Variants in MITF observed in about 807,000 individuals in gnomAD.
MITF encodes the protein melanocyte inducing transcription factor, also known as microphthalmia-associated transcription factor.
In MITF, 17 loss-of-function variants were observed where a neutral mutation model predicts 60.5. The ratio of observed to expected loss-of-function variants is 0.28; its 90% CI spans 0.19 to 0.42. The LOEUF (loss-of-function observed/expected upper bound fraction) is 0.42, where lower values mean the gene tolerates loss of function less well. MITF is among the 10% of genes least tolerant of loss of function. The pLI is 1.00. For missense variants in MITF, 622 were observed against 683.5 expected, an observed-to-expected ratio of 0.91 and a Z score of 1.00; for synonymous variants, 260 against 248.5, an observed-to-expected ratio of 1.05 and a Z score of -0.43.
chr3:69,746,321 G>A (rs1285500600), intron 1 of MITF, among the ~76,000 whole-genome samples: 1 of 152,144 alleles, frequency 6.6e-6, no homozygotes, highest in African/African-American at 2.4e-5. Flanking sequence ...CAGATCACAT[G>A]TGCTTACTGT....
chr3:69,891,947 T>C (rs2064769258), intron 2 of MITF, among the ~76,000 whole-genome samples: 1 of 152,310 alleles, frequency 6.6e-6, no homozygotes, highest in East Asian at 1.9e-4. Context: ...AGGAGGTGAA[T>C]TGAGGATAAG....
At chr3:69,939,329 T>A (rs1370829216) in intron 4 of MITF, 148 bp downstream of exon 4, 1 of 714,594 alleles carries the variant, frequency 1.4e-6, no homozygotes, top group Non-Finnish European at 2.4e-6. Context: ...ATTGCCATTT[T>A]CCTCATAGTA....
At chr3:69,855,783 C>T (rs751801538) in intron 1 of MITF, among the ~76,000 whole-genome samples, 21 of 152,156 alleles carry the variant, frequency 1.4e-4, no homozygotes, top group Non-Finnish European at 2.8e-4. Context: ...GTGACCTTCA[C>T]AGCATTAGAG....
At chr3:69,833,785 G>A (rs1334086823) in intron 1 of MITF, among the ~76,000 whole-genome samples, 1 of 152,176 alleles carries the variant, frequency 6.6e-6, no homozygotes, top group East Asian at 1.9e-4. Context: ...GTATGTGGTT[G>A]CTTCCCTGTT....
chr3:69,929,391 G>C (rs1018871380), intron 2 of MITF, among the ~76,000 whole-genome samples: 2 of 152,094 alleles, frequency 1.3e-5, no homozygotes, highest in African/African-American at 2.4e-5. Context: ...TCCTGGGGTG[G>C]GGTGGAGTGG....
At chr3:69,750,864 T>C (rs1703912020) in intron 1 of MITF, among the ~76,000 whole-genome samples, 1 of 152,078 alleles carries the variant, frequency 6.6e-6, no homozygotes, top group Non-Finnish European at 1.5e-5. Flanking sequence ...ATATAAATAA[T>C]ATATAAGCTT....
chr3:69,936,818 A>G, intron 2 of MITF: 8 of 1,495,006 alleles, frequency 5.4e-6, no homozygotes, highest in Non-Finnish European at 7.4e-6. Flanking sequence ...GATTTAATCC[A>G]CTTTTTGTTA....
intron 1 of MITF, among the ~76,000 whole-genome samples, chr3:69,744,264 G>A (rs1296410565): frequency 1.3e-5 from 2 of 152,182 alleles, no homozygotes; most frequent in Non-Finnish European, 2.9e-5. Context: ...ATTAAAAAAT[G>A]CCCTTTCTTT....
At chr3:69,798,115 C>T (rs1283825521) in intron 1 of MITF, among the ~76,000 whole-genome samples, 2 of 152,142 alleles carry the variant, frequency 1.3e-5, no homozygotes, top group East Asian at 3.9e-4. Context: ...TCTGGTTCTG[C>T]CTCAGTCTCC....
intron 2 of MITF, among the ~76,000 whole-genome samples, chr3:69,925,011 G>A (rs1028477547): frequency 1.3e-5 from 2 of 151,914 alleles, no homozygotes; most frequent in East Asian, 3.9e-4. Context: ...CTCCTTCTTG[G>A]TGGCTTTATA....
At chr3:69,869,595 C>A (rs890138328) in intron 1 of MITF, among the ~76,000 whole-genome samples, 3 of 152,126 alleles carry the variant, frequency 2.0e-5, no homozygotes, top group Non-Finnish European at 4.4e-5. Context: ...ATTCTCTTCC[C>A]CACCTCTAGT....
chr3:69,850,108 A>G lies in MITF; in HGVS notation c.105-29026A>G, dbSNP rs2063800002. Among the ~76,000 whole-genome samples the G allele has an allele frequency of 2.0e-5, 3 of 152,230 alleles. No homozygotes were observed. The South Asian group carries it at 6.2e-4, about 31-fold the overall frequency. ...AAAGATCAAGGTGTTTATTGTTTAT[A>G]GGATCCCCCACCCTCCCATAAGTAA... On this transcript the variant is annotated intron_variant, in intron 1 of 9. Coordinates refer to ENST00000352241, the MANE Select transcript of MITF (RefSeq NM_001354604.2).
intron 1 of MITF, among the ~76,000 whole-genome samples, chr3:69,833,545 G>T (rs2063488187): frequency 6.6e-6 from 1 of 151,152 alleles, no homozygotes; most frequent in South Asian, 2.1e-4. Context: ...GTATGTGATT[G>T]TTTTTCTATG....
chr3:69,934,628 G>T (rs2065792348), intron 2 of MITF, among the ~76,000 whole-genome samples: 1 of 152,180 alleles, frequency 6.6e-6, no homozygotes, highest in South Asian at 2.1e-4. Context: ...TACACGGGTT[G>T]TTAAGTTGCA....
intron 1 of MITF, among the ~76,000 whole-genome samples, chr3:69,740,279 C>A (rs552274103): frequency 6.6e-6 from 1 of 151,996 alleles, no homozygotes; most frequent in East Asian, 2.0e-4. Flanking sequence ...ACCTCCAGAC[C>A]GCTGCTAGCG....
In MITF at chr3:69,938,254, AC is replaced by A. The variant is rs779934029; in HGVS notation, c.582+207del. 267 of 1,198,154 alleles carry A rather than the reference AC, an allele frequency of 2.2e-4. 1 individual carries two copies. The highest frequency in any genetic ancestry group is 1.4e-3 in the Middle Eastern group (7 of 5,108). The allele number at this position is 1,198,154 out of a possible 1,614,324, so 74.2% of individuals were successfully genotyped here. ...TTGGGTGTAGAGCACATGACGGGAG[AC>A]CTGGCCCTCTCCAAGTGAAATGTGG... On this transcript the variant is annotated intron_variant, in intron 3 of 9. Transcript: ENST00000352241.
chr3:69,906,822 GA>G (rs1201626698), intron 2 of MITF, among the ~76,000 whole-genome samples: 1 of 152,074 alleles, frequency 6.6e-6, no homozygotes, highest in Non-Finnish European at 1.5e-5. Context: ...ATCTAGAATG[GA>G]GACTAGCAAC....
At chr3:69,826,361 T>A (rs2063354272) in intron 1 of MITF, among the ~76,000 whole-genome samples, 1 of 152,196 alleles carries the variant, frequency 6.6e-6, no homozygotes, top group Non-Finnish European at 1.5e-5. Flanking sequence ...TTTGGGAAAT[T>A]GATTCTTCCT....
At position 69,746,713 on chromosome 3, in the gene MITF, A is replaced by T. The variant is rs180828490; in HGVS notation, c.104+7012A>T. On this transcript the variant is annotated intron_variant, in intron 1 of 9. Coordinates refer to ENST00000352241, the MANE Select transcript of MITF (RefSeq NM_001354604.2). ...TTATAAAGGCAAATTTGCAGTTTAT[A>T]AGAAGGTTTTTGTGAGTCTAGTGAA... 3.3e-5 allele frequency among the ~76,000 whole-genome samples: 5 copies of T among 152,330 alleles called. No homozygotes were observed. The East Asian group carries it at 9.6e-4, about 29-fold the overall frequency.
Sources: allele counts gnomAD v4.1 joint callset (sites outside exome capture counted in the v4.1 genomes callset), GRCh38; gene constraint gnomAD v4.1.1; transcripts MANE v1.5; gene names NCBI Gene and HGNC (gene_info 2026-07-23, HGNC 2026-07-21).